PHF24: variants seen among roughly 807,000 people sequenced by gnomAD.
The protein encoded by PHF24 is Galpha inhibitory interacting protein.
In PHF24, 25 loss-of-function variants were observed where a neutral mutation model predicts 42.6. That is an observed-to-expected ratio of 0.59 (90% CI 0.43 to 0.82). PHF24 has a LOEUF of 0.82. PHF24 is among the 40% of genes least tolerant of loss of function. The pLI is 0.00. For missense variants in PHF24, 470 were observed against 538.1 expected (o/e 0.87, Z 1.25); for synonymous variants, 185 against 204.8 (o/e 0.90, Z 0.83).
the PHF24 span, among the ~76,000 whole-genome samples, chr9:34,940,827 T>C: frequency 2.6e-5 from 4 of 152,214 alleles, no homozygotes; most frequent in East Asian, 7.7e-4. Flanking sequence ...CTGTTCCCAC[T>C]GTGTAAAAGC....
At chr9:34,728,548 G>A in the PHF24 span, 4 of 1,503,410 alleles carry the variant, frequency 2.7e-6, no homozygotes, top group Admixed American at 7.9e-5. Flanking sequence ...GTCACAGAGG[G>A]ACAGGATTCA....
the PHF24 span, among the ~76,000 whole-genome samples, chr9:34,785,566 G>A: frequency 0.89 from 135,123 of 152,180 alleles, 61,620 homozygotes; most frequent in Non-Finnish European, 0.99. Flanking sequence ...AAGGGAATAA[G>A]TTTGTGTTTT....
chr9:34,878,257 G>A, the PHF24 span, among the ~76,000 whole-genome samples: 3 of 152,306 alleles, frequency 2.0e-5, no homozygotes, highest in Admixed American at 1.3e-4. Context: ...CTGGTTCCAA[G>A]ATGGCCAAAT....
At chr9:34,738,358 T>C in the PHF24 span, among the ~76,000 whole-genome samples, 1 of 152,170 alleles carries the variant, frequency 6.6e-6, no homozygotes, top group Non-Finnish European at 1.5e-5. Flanking sequence ...ATTTTTTTTT[T>C]TATTTTTATT....
chr9:34,841,503 T>A, the PHF24 span, among the ~76,000 whole-genome samples: 6 of 152,220 alleles, frequency 3.9e-5, no homozygotes, highest in African/African-American at 1.4e-4. Context: ...GTCTAGAGTT[T>A]AGTAATTAAA....
At chr9:34,918,739 CAA>C in the PHF24 span, among the ~76,000 whole-genome samples, 586 of 152,160 alleles carry the variant, frequency 3.9e-3, 1 homozygote, top group South Asian at 0.026. Flanking sequence ...TTATAACCAA[CAA>C]GAGATATTTT....
the PHF24 span, chr9:34,837,840 A>T: frequency 1.6e-6 from 1 of 641,586 alleles, no homozygotes; most frequent in Non-Finnish European, 2.8e-6. Context: ...TTCTTTGCCT[A>T]TTCCACCTTT....
the PHF24 span, among the ~76,000 whole-genome samples, chr9:34,817,573 G>A: frequency 5.3e-5 from 8 of 152,006 alleles, no homozygotes; most frequent in African/African-American, 1.9e-4. Context: ...ATTACTTAAT[G>A]AGTTTTGAGA....
chr9:34,953,698 GC>G (rs1287107072), upstream of PHF24, among the ~76,000 whole-genome samples: 1 of 152,100 alleles, frequency 6.6e-6, no homozygotes, highest in East Asian at 1.9e-4. The surrounding 1 kb of genome is among the most constrained non-coding windows in gnomAD (Gnocchi z 4.1). Context: ...TAATCTCGGT[GC>G]TTTGAGAGGC....
At chr9:34,976,847 G>A in intron 5 of PHF24, 107 bp downstream of exon 5, 1 of 1,045,458 alleles carries the variant, frequency 9.6e-7, no homozygotes, top group Non-Finnish European at 1.4e-6. Flanking sequence ...GCAGGGACAA[G>A]TATCAGGAAT....
the PHF24 span, among the ~76,000 whole-genome samples, chr9:34,791,769 G>C: frequency 6.6e-6 from 1 of 152,074 alleles, no homozygotes; most frequent in South Asian, 2.1e-4. Flanking sequence ...GCTGCTCAGA[G>C]CATGTAAGAT....
At chr9:34,704,506 C>T in the PHF24 span, among the ~76,000 whole-genome samples, 1 of 68,876 alleles carries the variant, frequency 1.5e-5, no homozygotes, top group Admixed American at 1.6e-4. Context: ...TGTATGTTAT[C>T]ATTTTGTGGA....
chr9:34,854,344 C>G, the PHF24 span, among the ~76,000 whole-genome samples: 4 of 151,690 alleles, frequency 2.6e-5, no homozygotes, highest in Non-Finnish European at 5.9e-5. Flanking sequence ...TCTTGGTTCT[C>G]TAGTTCTTTT....
At chr9:34,871,084 GCTTCCA>G in the PHF24 span, among the ~76,000 whole-genome samples, 2 of 152,214 alleles carry the variant, frequency 1.3e-5, no homozygotes, top group Admixed American at 1.3e-4. Flanking sequence ...AGTGCCTGTT[GCTTCCA>G]CATCCTTGCC....
chr9:34,794,907 T>C, the PHF24 span, among the ~76,000 whole-genome samples: 2 of 152,050 alleles, frequency 1.3e-5, no homozygotes, highest in Admixed American at 1.3e-4. Context: ...TGTATAAAAA[T>C]ACTTGAAGAA....
the PHF24 span, among the ~76,000 whole-genome samples, chr9:34,789,018 G>A: frequency 6.6e-6 from 1 of 152,156 alleles, no homozygotes; most frequent in African/African-American, 2.4e-5. Flanking sequence ...TGGCAGTAAT[G>A]AGCGATGCAG....
At chr9:34,887,660 C>T in the PHF24 span, among the ~76,000 whole-genome samples, 1 of 152,174 alleles carries the variant, frequency 6.6e-6, no homozygotes. Flanking sequence ...GTGATACCTT[C>T]CCTGAGCTCC....
At chr9:34,714,365 A>G in the PHF24 span, among the ~76,000 whole-genome samples, 1 of 152,308 alleles carries the variant, frequency 6.6e-6, no homozygotes, top group Middle Eastern at 3.4e-3. Flanking sequence ...TCTCTGAGGA[A>G]TTCTCAGACA....
the PHF24 span, among the ~76,000 whole-genome samples, chr9:34,867,214 T>G: frequency 6.6e-6 from 1 of 152,056 alleles, no homozygotes; most frequent in African/African-American, 2.4e-5. Flanking sequence ...GGAAGCAAAG[T>G]TTTTCAGCAA....
Sources: gnomAD v4.1 joint callset for allele counts (sites outside exome capture counted in the v4.1 genomes callset) on GRCh38, gnomAD v4.1.1 for gene constraint, Gnocchi (gnomAD v3.1) non-coding constraint, MANE v1.5 for transcripts, NCBI Gene and HGNC (gene_info 2026-07-23, HGNC 2026-07-21) for gene names.